The following GLCE variants were observed in gnomAD, a reference collection of about 807,000 sequenced individuals.
The protein encoded by GLCE is D-glucuronyl C5-epimerase.
In GLCE, 19 loss-of-function variants were observed where a neutral mutation model predicts 47.9. The ratio of observed to expected loss-of-function variants is 0.40; its 90% CI spans 0.28 to 0.58. The LOEUF (loss-of-function observed/expected upper bound fraction) is 0.58, where lower values mean the gene tolerates loss of function less well. Among genes scored for constraint, GLCE ranks in the 20% least tolerant of loss-of-function variants. The pLI is 0.48. For synonymous variants in GLCE, 245 were observed against 263.4 expected (o/e 0.93, Z 0.68); for missense variants, 556 against 743.3 (o/e 0.75, Z 2.93).
At chr15:69,172,408 A>G (rs2051601987) in intron 1 of GLCE, among the ~76,000 whole-genome samples, 1 of 152,188 alleles carries the variant, frequency 6.6e-6, no homozygotes, top group Admixed American at 6.5e-5. Flanking sequence ...GGGGTAAGTG[A>G]ACTATTAATA....
chr15:69,272,115 T>C lies in GLCE; in HGVS notation c.*2871T>C, dbSNP rs921760889. ...ACTTGATTTTTTGCAGATGGAAAGG[T>C]ATTTTGTTTCTATACAAAGTAAATG... On this transcript the variant is annotated 3_prime_UTR_variant, in exon 5 of 5. Coordinates refer to ENST00000261858, the MANE Select transcript of GLCE (RefSeq NM_015554.3). The C allele has an allele frequency of 4.6e-5, 7 of 152,686 alleles. No individual in the cohort carries two copies. Among genetic ancestry groups the C allele is most frequent in the African/African-American group, 1.7e-4 (7 of 41,464 alleles). The allele number at this position is 152,686 out of a possible 1,614,324, so 9.5% of individuals were successfully genotyped here. A position where few individuals can be genotyped will look rare whatever the true frequency, so the allele number is the denominator to read the frequency against.
At chr15:69,220,385 G>A (rs1204809059) in intron 2 of GLCE, among the ~76,000 whole-genome samples, 1 of 151,906 alleles carries the variant, frequency 6.6e-6, no homozygotes, top group East Asian at 1.9e-4. Context: ...CATGTAAGTG[G>A]CTGTACAATT....
At chr15:69,235,541 TA>T (rs1007002450) in intron 2 of GLCE, among the ~76,000 whole-genome samples, 4 of 152,158 alleles carry the variant, frequency 2.6e-5, no homozygotes, top group Admixed American at 2.6e-4. Context: ...AACTACTTTA[TA>T]AAGCAGAAAG....
intron 1 of GLCE, among the ~76,000 whole-genome samples, chr15:69,177,026 CTTT>C (rs767252296): frequency 4.3e-5 from 6 of 138,294 alleles, no homozygotes; most frequent in Non-Finnish European, 4.8e-5. Context: ...TTCATATTTG[CTTT>C]TTTTTTTTTT....
At chr15:69,197,297 G>T in intron 1 of GLCE, 1 of 298,072 alleles carries the variant, frequency 3.4e-6, no homozygotes, top group Non-Finnish European at 6.8e-6. Flanking sequence ...TTGCAGGGAA[G>T]ATGTTTCCAC....
intron 2 of GLCE, among the ~76,000 whole-genome samples, chr15:69,255,284 C>G (rs1240220502): frequency 6.6e-6 from 1 of 152,052 alleles, no homozygotes; most frequent in Non-Finnish European, 1.5e-5. Context: ...GTTCAGAAAT[C>G]GAAAATACAA....
At chr15:69,249,677 C>G (rs115288563) in intron 2 of GLCE, among the ~76,000 whole-genome samples, 1,692 of 152,142 alleles carry the variant, frequency 0.011, 32 homozygotes, top group African/African-American at 0.039. Flanking sequence ...TTTAAAAAAC[C>G]TATTGAAAGG....
At chr15:69,209,783 A>G (rs1394649013) in intron 1 of GLCE, among the ~76,000 whole-genome samples, 1 of 152,074 alleles carries the variant, frequency 6.6e-6, no homozygotes, top group Non-Finnish European at 1.5e-5. Flanking sequence ...CTGTGCCCAT[A>G]TTCAGGGCCA....
At chr15:69,235,729 T>C (rs2052587763) in intron 2 of GLCE, among the ~76,000 whole-genome samples, 1 of 152,242 alleles carries the variant, frequency 6.6e-6, no homozygotes, top group African/African-American at 2.4e-5. Flanking sequence ...GTTTCTTCTA[T>C]ATTTTCATAG....
At chr15:69,247,682 C>T (rs889259371) in intron 2 of GLCE, among the ~76,000 whole-genome samples, 1 of 152,168 alleles carries the variant, frequency 6.6e-6, no homozygotes, top group Non-Finnish European at 1.5e-5. Context: ...TGTGGCTCTT[C>T]CTTTCACTTG....
intron 1 of GLCE, chr15:69,194,329 A>G (rs976807034): frequency 6.6e-6 from 1 of 152,166 alleles, no homozygotes; most frequent in Admixed American, 6.6e-5. Flanking sequence ...TTAATCTTAC[A>G]TAAAATGTAC....
intron 2 of GLCE, among the ~76,000 whole-genome samples, chr15:69,243,624 T>C (rs1274021691): frequency 4.6e-5 from 7 of 151,604 alleles, no homozygotes; most frequent in Admixed American, 4.6e-4. Flanking sequence ...AGATTTGACC[T>C]TTGCTGTCAC....
intron 4 of GLCE, among the ~76,000 whole-genome samples, chr15:69,265,925 T>C (rs558047280): frequency 9.2e-5 from 14 of 152,308 alleles, no homozygotes; most frequent in East Asian, 7.7e-4. Context: ...TAATTTAATC[T>C]TGAGTGGTTC....
chr15:69,256,503 A>ATCAC (rs2052927515), intron 3 of GLCE, 111 bp downstream of exon 3: 1 of 768,942 alleles, frequency 1.3e-6, no homozygotes, highest in South Asian at 1.7e-5. Flanking sequence ...AAGACCTTTC[A>ATCAC]TCACTCTAAT....
chr15:69,263,448 C>G (rs1209628364), intron 4 of GLCE, among the ~76,000 whole-genome samples: 1 of 151,284 alleles, frequency 6.6e-6, no homozygotes, highest in African/African-American at 2.4e-5. Flanking sequence ...TCTTTCTTGG[C>G]CTTCGATTTT....
chr15:69,215,467 A>G (rs1285932879), intron 2 of GLCE, among the ~76,000 whole-genome samples: 2 of 151,846 alleles, frequency 1.3e-5, no homozygotes, highest in African/African-American at 2.4e-5. Context: ...TTATTCATTT[A>G]TCTGTTGTGG....
At chr15:69,239,902 T>G (rs189732314) in intron 2 of GLCE, among the ~76,000 whole-genome samples, 10 of 152,268 alleles carry the variant, frequency 6.6e-5, no homozygotes, top group African/African-American at 2.4e-4. Flanking sequence ...TAACTATACA[T>G]TAAGAAGGTC....
chr15:69,198,501 A>T (rs529758771), intron 1 of GLCE, among the ~76,000 whole-genome samples: 1 of 152,260 alleles, frequency 6.6e-6, no homozygotes, highest in South Asian at 2.1e-4. Context: ...TAGGTCACTC[A>T]TAAGGCAGGA....
intron 1 of GLCE, among the ~76,000 whole-genome samples, chr15:69,181,713 C>T: frequency 6.6e-6 from 1 of 151,978 alleles, no homozygotes; most frequent in East Asian, 1.9e-4. Flanking sequence ...TGGAGACATG[C>T]AGAAAGAATC....
Sources: allele counts gnomAD v4.1 joint callset (sites outside exome capture counted in the v4.1 genomes callset), GRCh38; gene constraint gnomAD v4.1.1; transcripts MANE v1.5; gene names NCBI Gene and HGNC (gene_info 2026-07-23, HGNC 2026-07-21).